Variants in PCDH15 observed in about 807,000 individuals in gnomAD.
PCDH15 encodes protocadherin related 15.
In PCDH15, 129 loss-of-function variants were observed where a neutral mutation model predicts 178.5. That is an observed-to-expected ratio of 0.72 (90% CI 0.63 to 0.84). PCDH15 has a LOEUF of 0.84. Ranked by LOEUF, PCDH15 falls within the 40% of genes least tolerant of loss-of-function variation. The pLI is 0.00. For synonymous variants in PCDH15, 800 were observed against 732.0 expected (o/e 1.09, Z -1.50); for missense variants, 2,230 against 2,099.9 (o/e 1.06, Z -1.21).
chr10:54,016,500 CTAAA>C (rs146146493), intron 20 of PCDH15, among the ~76,000 whole-genome samples: 26,190 of 151,902 alleles, frequency 0.17, 2,732 homozygotes, highest in Non-Finnish European at 0.24. Context: ...CAATGGTAGA[CTAAA>C]TAAAGAAAAT....
chr10:55,116,597 C>A (rs1837634079), intron 2 of PCDH15, among the ~76,000 whole-genome samples: 1 of 152,024 alleles, frequency 6.6e-6, no homozygotes, highest in African/African-American at 2.4e-5. Context: ...ATGGTGCAGG[C>A]AATATAGATG....
chr10:53,821,553 T>C (rs912408858), intron 32 of PCDH15: 17 of 1,100,570 alleles, frequency 1.5e-5, no homozygotes, highest in Non-Finnish European at 1.8e-5. Flanking sequence ...TTGGTTTAAG[T>C]TGGGTATCTA....
chr10:54,928,075 A>G (rs1344948376), intron 2 of PCDH15, among the ~76,000 whole-genome samples: 1 of 152,098 alleles, frequency 6.6e-6, no homozygotes, highest in Non-Finnish European at 1.5e-5. Flanking sequence ...GGCTTGTAAC[A>G]ATATTTTCTT....
intron 1 of PCDH15, among the ~76,000 whole-genome samples, chr10:54,724,716 A>C (rs1049974464): frequency 6.6e-6 from 1 of 151,380 alleles, no homozygotes; most frequent in African/African-American, 2.4e-5. Context: ...TCAACAGAAA[A>C]GCAAGACTAA....
intron 2 of PCDH15, among the ~76,000 whole-genome samples, chr10:54,531,692 TA>T (rs944705112): frequency 6.6e-6 from 1 of 152,158 alleles, no homozygotes; most frequent in African/African-American, 2.4e-5. Flanking sequence ...CTATTTACTT[TA>T]AAAAATATAT....
chr10:54,348,599 T>C (rs556586212), intron 5 of PCDH15, among the ~76,000 whole-genome samples: 6 of 146,298 alleles, frequency 4.1e-5, no homozygotes, highest in Non-Finnish European at 9.3e-5. Context: ...TAGAATTTTG[T>C]ATATTTGTTG....
chr10:53,860,456 C>T (rs932854897), intron 27 of PCDH15, among the ~76,000 whole-genome samples: 3 of 152,006 alleles, frequency 2.0e-5, no homozygotes, highest in African/African-American at 4.8e-5. Flanking sequence ...TTAAGCCAGG[C>T]GTAGTGCCTC....
chr10:54,851,398 A>C (rs1214887057), intron 3 of PCDH15, among the ~76,000 whole-genome samples: 1 of 152,184 alleles, frequency 6.6e-6, no homozygotes, highest in African/African-American at 2.4e-5. Context: ...TAAATTATTA[A>C]TAAATATGGT....
chr10:54,472,298 A>T (rs1328172645), intron 3 of PCDH15, among the ~76,000 whole-genome samples: 1 of 152,126 alleles, frequency 6.6e-6, no homozygotes, highest in African/African-American at 2.4e-5. Context: ...AAAAAAAAAA[A>T]AAAATCAATT....
intron 2 of PCDH15, among the ~76,000 whole-genome samples, chr10:54,949,735 T>C (rs1838287653): frequency 6.6e-6 from 1 of 151,964 alleles, no homozygotes; most frequent in South Asian, 2.1e-4. Flanking sequence ...AGTAATTTCT[T>C]CCACCAGACA....
intron 22 of PCDH15, 121 bp downstream of exon 22, chr10:53,961,631 A>G (rs2088324829): frequency 1.4e-6 from 1 of 701,176 alleles, no homozygotes; most frequent in South Asian, 4.0e-5. Context: ...AAAAAATTGT[A>G]ATTTAAAAAA....
rs535406706 is a variant in PCDH15, at chr10:54,825,218, G to A, written c.-29+72232C>T. Reference sequence around the variant, plus strand: ...GGACATGAACTCATCATTTTTTATGGCTGCATAGTATTCCATGGTGTATAT... The same window carrying A: ...GGACATGAACTCATCATTTTTTATGACTGCATAGTATTCCATGGTGTATAT... On this transcript the variant is annotated intron_variant, in intron 3 of 5. Transcript: ENST00000458638. Among the ~76,000 whole-genome samples the A allele has an allele frequency of 3.5e-3, 527 of 151,860 alleles. 1 individual carries two copies. The highest frequency in any genetic ancestry group is 0.012 in the African/African-American group (509 of 41,350).
chr10:53,987,446 G>A (rs986486096), intron 21 of PCDH15, among the ~76,000 whole-genome samples: 9 of 152,124 alleles, frequency 5.9e-5, no homozygotes, highest in East Asian at 1.9e-4. Flanking sequence ...AGTGTTGCAC[G>A]TCATACATAG....
intron 2 of PCDH15, among the ~76,000 whole-genome samples, chr10:55,557,839 T>C (rs769265773): frequency 6.6e-6 from 1 of 152,094 alleles, no homozygotes. Flanking sequence ...CACTGACATA[T>C]GGAAGTGGTA....
In PCDH15 at chr10:54,189,883, T is replaced by C. The variant is rs866493988; in HGVS notation, c.1306-4615A>G. 2.0e-5 allele frequency among the ~76,000 whole-genome samples: 3 copies of C among 151,674 alleles called. No individual in the cohort carries two copies. In the South Asian group the frequency reaches 6.2e-4, roughly 32 times the overall value. On this transcript the variant is annotated intron_variant, in intron 11 of 37. Coordinates refer to ENST00000644397, the MANE Select transcript of PCDH15 (RefSeq NM_001384140.1). ...GGTACAAGTACTCTAAAAGGCATAA[T>C]GTATAAACTGATATGGTTCATATAT...
At chr10:54,927,238 A>G (rs1591788657) in intron 2 of PCDH15, among the ~76,000 whole-genome samples, 1 of 152,098 alleles carries the variant, frequency 6.6e-6, no homozygotes. Context: ...ACGTTATTGT[A>G]TGGTTTTCAG....
intron 1 of PCDH15, among the ~76,000 whole-genome samples, chr10:55,249,967 A>C (rs1332725091): frequency 1.3e-5 from 2 of 152,102 alleles, no homozygotes; most frequent in Admixed American, 6.5e-5. Context: ...TCTAGAAAAA[A>C]AATCACATTT....
intron 3 of PCDH15, among the ~76,000 whole-genome samples, chr10:54,425,034 A>G (rs1956099445): frequency 6.6e-6 from 1 of 151,686 alleles, no homozygotes; most frequent in Non-Finnish European, 1.5e-5. Context: ...AGAAAAGAAA[A>G]TGTGCTTTTT....
At chr10:53,861,671 A>G in intron 27 of PCDH15, among the ~76,000 whole-genome samples, 1 of 152,340 alleles carries the variant, frequency 6.6e-6, no homozygotes, top group Middle Eastern at 3.4e-3. Context: ...TATGTTTAGT[A>G]AAATATCATT....
Sources: allele counts gnomAD v4.1 joint callset (sites outside exome capture counted in the v4.1 genomes callset), GRCh38; gene constraint gnomAD v4.1.1; transcripts MANE v1.5; gene names NCBI Gene and HGNC (gene_info 2026-07-23, HGNC 2026-07-21).